The following LOXL2 variants were observed in gnomAD, a reference collection of about 807,000 sequenced individuals.
The protein encoded by LOXL2 is lysyl oxidase homolog 2.
A neutral mutation model predicts 93.0 loss-of-function variants in LOXL2; 70 were observed. The observed-to-expected ratio is 0.75, with a 90% CI of 0.62 to 0.92. LOXL2 has a LOEUF of 0.92. Among genes scored for constraint, LOXL2 ranks in the 40% least tolerant of loss-of-function variants. The probability of loss-of-function intolerance (pLI) is 0.00; values close to 1 mark genes in which losing one functional copy is unlikely to be tolerated. For synonymous variants in LOXL2, 438 were observed against 413.2 expected (o/e 1.06, Z -0.73); for missense variants, 973 against 1,054.9 (o/e 0.92, Z 1.08).
At chr8:23,359,761 G>A (rs748111272) in intron 3 of LOXL2, among the ~76,000 whole-genome samples, 28 of 152,320 alleles carry the variant, frequency 1.8e-4, no homozygotes, top group Admixed American at 7.8e-4. Context: ...GCATGGCACC[G>A]GAGGTGTTTC....
intron 10 of LOXL2, among the ~76,000 whole-genome samples, chr8:23,306,955 G>A (rs758316358): frequency 2.0e-4 from 30 of 152,332 alleles, no homozygotes; most frequent in Admixed American, 2.6e-4. Flanking sequence ...TCTGGTTTTC[G>A]AGGAAATTTC....
intron 4 of LOXL2, among the ~76,000 whole-genome samples, chr8:23,339,566 G>A (rs80351317): frequency 0.01 from 1,525 of 152,344 alleles, 26 homozygotes; most frequent in African/African-American, 0.035. Context: ...TGAACAAGGC[G>A]CGTGCTGTCC....
chr8:23,296,927 G>A lies in LOXL2; in HGVS notation c.*1116C>T, dbSNP rs558686869. 6.6e-6 allele frequency among the ~76,000 whole-genome samples: 1 copy of A among 152,338 alleles called. No individual in the cohort carries two copies. The highest frequency in any genetic ancestry group is 1.5e-5 in the Non-Finnish European group (1 of 68,032). On this transcript the variant is annotated 3_prime_UTR_variant, in exon 14 of 14. Transcript: ENST00000389131. ...TTCAGTAAAAACCACAGGAGTTCAA[G>A]AAAGATTATGACTCCTGTTCCGTTA...
intron 9 of LOXL2, among the ~76,000 whole-genome samples, 161 bp from the exon 10 acceptor site, chr8:23,310,072 A>G (rs1341986026): frequency 6.6e-6 from 1 of 152,204 alleles, no homozygotes; most frequent in Non-Finnish European, 1.5e-5. Context: ...CAAGACCCTG[A>G]ATTCCTCTTT....
intron 3 of LOXL2, among the ~76,000 whole-genome samples, chr8:23,342,043 G>T (rs527651159): frequency 6.6e-6 from 1 of 151,748 alleles, no homozygotes; most frequent in Admixed American, 6.6e-5. Context: ...AAGATTCATT[G>T]GCAGGGCCCT....
intron 5 of LOXL2, among the ~76,000 whole-genome samples, chr8:23,332,414 C>A (rs1394705122): frequency 7.8e-6 from 1 of 128,160 alleles, no homozygotes; most frequent in African/African-American, 2.9e-5. Flanking sequence ...ACACACACCG[C>A]CACACACCCA....
At chr8:23,339,189 C>T (rs1339579416) in intron 4 of LOXL2, among the ~76,000 whole-genome samples, 16 of 152,144 alleles carry the variant, frequency 1.1e-4, no homozygotes, top group Admixed American at 5.9e-4. Context: ...AATGACAGGG[C>T]CAAGCTGAGA....
chr8:23,346,442 G>A (rs189192372), intron 3 of LOXL2, among the ~76,000 whole-genome samples: 9 of 152,234 alleles, frequency 5.9e-5, no homozygotes, highest in Non-Finnish European at 8.8e-5. Context: ...ATTTGCACCC[G>A]TTCCTAGAAG....
At chr8:23,336,556 T>C (rs1803795859) in intron 4 of LOXL2, 1 of 152,280 alleles carries the variant, frequency 6.6e-6, no homozygotes, top group Non-Finnish European at 1.5e-5. Flanking sequence ...ATAGCTGGAC[T>C]GTAGGAAGAA....
At chr8:23,397,550 G>A (rs1375706076) in intron 1 of LOXL2, among the ~76,000 whole-genome samples, 1 of 152,000 alleles carries the variant, frequency 6.6e-6, no homozygotes, top group Non-Finnish European at 1.5e-5. Flanking sequence ...AGGCCCAGGC[G>A]GGTGGATCAC....
At position 23,341,050 on chromosome 8, in the gene LOXL2, C is replaced by G; in HGVS notation, c.685G>C (p.Val229Leu). ...DKHWTAKNSR[V>L]VCGMFGFPGE... is the part of the protein sequence containing the mutation. ...GGGAAGCCAAACATGCCGCAGACCA[C>G]GCGGGAATTCTTGGCCGTCCAGTGC... The change falls in exon 4 of 14, where the codon GTG becomes CTG. Residue 229 changes from valine to leucine, a missense_variant. Transcript: ENST00000389131. The G allele has an allele frequency of 6.2e-7, 1 of 1,614,164 alleles. No individual in the cohort carries two copies.
chr8:23,387,189 G>A (rs1414588555), intron 1 of LOXL2, among the ~76,000 whole-genome samples: 1 of 152,206 alleles, frequency 6.6e-6, no homozygotes, highest in African/African-American at 2.4e-5. Flanking sequence ...TGGTCTCACT[G>A]GGCTTTTGAC....
At chr8:23,352,196 A>C (rs1804105763) in intron 3 of LOXL2, among the ~76,000 whole-genome samples, 1 of 152,192 alleles carries the variant, frequency 6.6e-6, no homozygotes, top group Non-Finnish European at 1.5e-5. Context: ...GTCCAGCCAG[A>C]CAGTTGAGCA....
At chr8:23,320,530 ATC>A (rs1803477107) in intron 7 of LOXL2, among the ~76,000 whole-genome samples, 1 of 152,208 alleles carries the variant, frequency 6.6e-6, no homozygotes, top group South Asian at 2.1e-4. Flanking sequence ...CCCACTTGGT[ATC>A]TCAGAGATCA....
chr8:23,322,344 G>T, intron 6 of LOXL2, 63 bp from the exon 7 acceptor site: 2 of 1,481,556 alleles, frequency 1.3e-6, no homozygotes, highest in Non-Finnish European at 1.9e-6. Context: ...GGAGTGGCAA[G>T]AAAGCCCTGG....
chr8:23,388,765 G>C (rs1346835037), intron 1 of LOXL2, among the ~76,000 whole-genome samples: 2 of 151,780 alleles, frequency 1.3e-5, no homozygotes, highest in Non-Finnish European at 2.9e-5. Flanking sequence ...GTATACATTA[G>C]GTATGTGCAA....
Position 23,298,114 on chromosome 8 carries a change from A to G in LOXL2, c.2254T>C (p.Phe752Leu), listed in dbSNP as rs1300390343. The G allele has an allele frequency of 1.2e-6, 2 of 1,613,194 alleles. No homozygotes were observed. Among genetic ancestry groups the G allele is most frequent in the East Asian group, 2.2e-5 (1 of 44,890 alleles). ...AACTTTTTTTCCGTCTCTTCGCTGAAGGAACCACCTGAAGAGCGAGAATCG... is the reference window on the plus strand; with the variant it reads ...AACTTTTTTTCCGTCTCTTCGCTGAGGGAACCACCTGAAGAGCGAGAATCG... The part of the protein sequence containing the change: ...WMYNCHIGGS[F>L]SEETEKKFEH... The change falls in exon 14 of 14, where the codon TTC becomes CTC. Residue 752 changes from phenylalanine to leucine, a missense_variant. Physicochemically the swap from Phe to Leu is conservative, Grantham distance 22 (BLOSUM62 0). Transcript: ENST00000389131.
intron 3 of LOXL2, among the ~76,000 whole-genome samples, chr8:23,352,478 C>T (rs1804110614): frequency 6.6e-6 from 1 of 152,186 alleles, no homozygotes; most frequent in Admixed American, 6.5e-5. Flanking sequence ...GGATGAGATT[C>T]CTGGCTGGGA....
At chr8:23,361,705 G>A (rs993565179) in intron 2 of LOXL2, among the ~76,000 whole-genome samples, 3 of 152,146 alleles carry the variant, frequency 2.0e-5, no homozygotes, top group Non-Finnish European at 4.4e-5. Flanking sequence ...GACAGGCGTG[G>A]TGGCACGTGC....
Sources: allele counts gnomAD v4.1 joint callset (sites outside exome capture counted in the v4.1 genomes callset), GRCh38; gene constraint gnomAD v4.1.1; transcripts MANE v1.5; gene names NCBI Gene and HGNC (gene_info 2026-07-23, HGNC 2026-07-21).